The following PTPN3 variants were observed in gnomAD, a reference collection of about 807,000 sequenced individuals.
PTPN3 encodes protein tyrosine phosphatase non-receptor type 3.
In PTPN3, 96 loss-of-function variants were observed where a neutral mutation model predicts 132.7. The observed-to-expected ratio is 0.72, with a 90% CI of 0.61 to 0.86. The LOEUF is 0.86. PTPN3 is among the 40% of genes least tolerant of loss of function. The pLI is 0.00. For missense variants in PTPN3, 1,125 were observed against 1,159.6 expected, an observed-to-expected ratio of 0.97 and a Z score of 0.43; for synonymous variants, 398 against 429.0, an observed-to-expected ratio of 0.93 and a Z score of 0.89.
chr9:109,451,845 C>T (rs954788985), intron 5 of PTPN3, among the ~76,000 whole-genome samples: 4 of 152,316 alleles, frequency 2.6e-5, no homozygotes, highest in African/African-American at 9.6e-5. Flanking sequence ...AAACCTGGGG[C>T]TCTAGTGTTA....
At chr9:109,482,943 C>T (rs757078749) in intron 1 of PTPN3, among the ~76,000 whole-genome samples, 5 of 152,222 alleles carry the variant, frequency 3.3e-5, no homozygotes, top group Non-Finnish European at 5.9e-5. Context: ...AGACACTGCC[C>T]GGTGTTGGAG....
At chr9:109,458,772 T>C (rs7850860) in intron 2 of PTPN3, among the ~76,000 whole-genome samples, 29,919 of 152,184 alleles carry the variant, frequency 0.2, 3,273 homozygotes, top group Admixed American at 0.3. Context: ...AGACCACACA[T>C]TGCACATTAC....
chr9:109,427,952 G>C (rs1025533362), intron 11 of PTPN3, among the ~76,000 whole-genome samples: 7 of 152,328 alleles, frequency 4.6e-5, no homozygotes, highest in Non-Finnish European at 8.8e-5. Context: ...AGCTGTGGGA[G>C]CCTCAGTTTC....
At chr9:109,441,571 C>A (rs1352438150) in intron 7 of PTPN3, among the ~76,000 whole-genome samples, 3 of 152,186 alleles carry the variant, frequency 2.0e-5, no homozygotes, top group African/African-American at 7.2e-5. Flanking sequence ...TGTGTTTTAT[C>A]CATCTGTGCA....
At chr9:109,391,883 G>GC (rs398046789) in intron 19 of PTPN3, among the ~76,000 whole-genome samples, 1 of 57,386 alleles carries the variant, frequency 1.7e-5, no homozygotes, top group Admixed American at 2.3e-4. Flanking sequence ...GGGGGGGGGG[G>GC]AAGAATTCTG....
At chr9:109,450,139 A>G in intron 5 of PTPN3, 3 of 984,622 alleles carry the variant, frequency 3.0e-6, no homozygotes, top group African/African-American at 1.7e-5. Flanking sequence ...CTTAGGATCC[A>G]TGTCGTAACT....
At chr9:109,418,072 C>T (rs868824620) in intron 14 of PTPN3, among the ~76,000 whole-genome samples, 2 of 152,258 alleles carry the variant, frequency 1.3e-5, no homozygotes, top group Middle Eastern at 3.4e-3. Context: ...GGTCTAGATG[C>T]TCTGTGATGG....
chr9:109,490,191 CAAAACA>C (rs1387467748), intron 1 of PTPN3, among the ~76,000 whole-genome samples: 3 of 151,394 alleles, frequency 2.0e-5, no homozygotes, highest in African/African-American at 7.3e-5. Context: ...TCAAAAAAAA[CAAAACA>C]AAAACAAAAC....
At chr9:109,433,282 C>G (rs576048279) in intron 9 of PTPN3, 121 bp from the exon 10 acceptor site, 67 of 1,400,814 alleles carry the variant, frequency 4.8e-5, no homozygotes, top group Non-Finnish European at 5.8e-5. Flanking sequence ...TGGGAAAATG[C>G]TACTGAAAAC....
intron 13 of PTPN3, among the ~76,000 whole-genome samples, chr9:109,421,930 C>T (rs1211285172): frequency 6.6e-6 from 1 of 152,222 alleles, no homozygotes; most frequent in Non-Finnish European, 1.5e-5. Context: ...TGCTAGGTTT[C>T]CCCTCTGGCC....
At chr9:109,519,794 G>A in the PTPN3 span, among the ~76,000 whole-genome samples, 1 of 152,200 alleles carries the variant, frequency 6.6e-6, no homozygotes, top group Admixed American at 6.5e-5. Context: ...ACTTAACCCT[G>A]ACAGCCTTGT....
At chr9:109,534,850 G>A in the PTPN3 span, among the ~76,000 whole-genome samples, 18 of 151,198 alleles carry the variant, frequency 1.2e-4, no homozygotes, top group Non-Finnish European at 2.2e-4. Context: ...TTAGTGTGCA[G>A]TAGTTTTGGA....
At chr9:109,475,994 C>T (rs1259207773) in intron 1 of PTPN3, among the ~76,000 whole-genome samples, 1 of 152,198 alleles carries the variant, frequency 6.6e-6, no homozygotes, top group Non-Finnish European at 1.5e-5. Flanking sequence ...TCTTATTTGT[C>T]TCTGATCAGC....
intron 11 of PTPN3, 58 bp downstream of exon 11, chr9:109,428,563 C>A: frequency 3.8e-6 from 6 of 1,561,554 alleles, no homozygotes; most frequent in Non-Finnish European, 5.3e-6. Flanking sequence ...GAGACCCTGT[C>A]TCTAACCACA....
intron 14 of PTPN3, among the ~76,000 whole-genome samples, chr9:109,415,425 G>A (rs372311456): frequency 1.3e-5 from 2 of 152,120 alleles, no homozygotes; most frequent in African/African-American, 4.8e-5. Flanking sequence ...GCAAAACACT[G>A]ATAATAACAA....
intron 5 of PTPN3, among the ~76,000 whole-genome samples, chr9:109,453,993 T>C (rs1247919772): frequency 6.6e-6 from 1 of 151,810 alleles, no homozygotes; most frequent in African/African-American, 2.4e-5. Flanking sequence ...CCAGCCAGGG[T>C]GAAGAGAGAG....
At chr9:109,393,414 T>A (rs1292656592) in intron 19 of PTPN3, among the ~76,000 whole-genome samples, 1 of 147,580 alleles carries the variant, frequency 6.8e-6, no homozygotes, top group Non-Finnish European at 1.5e-5. Flanking sequence ...GAGATGGAGC[T>A]TCACTCTTTC....
At chr9:109,457,425 G>T in intron 2 of PTPN3, 26 bp from the exon 3 acceptor site, 1 of 1,568,356 alleles carries the variant, frequency 6.4e-7, no homozygotes. Flanking sequence ...TTATCAAGTG[G>T]GAAAAGTCTT....
At chr9:109,435,743 A>G (rs1195573049) in intron 9 of PTPN3, among the ~76,000 whole-genome samples, 1 of 152,166 alleles carries the variant, frequency 6.6e-6, no homozygotes, top group Admixed American at 6.5e-5. Context: ...ATAAAGCCCT[A>G]CTTCACCGAC....
Sources: allele counts gnomAD v4.1 joint callset (sites outside exome capture counted in the v4.1 genomes callset), GRCh38; gene constraint gnomAD v4.1.1; transcripts MANE v1.5; gene names NCBI Gene and HGNC (gene_info 2026-07-23, HGNC 2026-07-21).